PRUNE2: variants seen among roughly 807,000 people sequenced by gnomAD.
PRUNE2 encodes protein prune homolog 2.
PRUNE2 carries 164 observed loss-of-function variants against 252.0 expected under a neutral mutation model. That is an observed-to-expected ratio of 0.65 (90% CI 0.57 to 0.74). The LOEUF (loss-of-function observed/expected upper bound fraction) is 0.74. Ranked by LOEUF, PRUNE2 falls within the 30% of genes least tolerant of loss-of-function variation. PRUNE2 has a pLI of 0.00. For synonymous variants in PRUNE2, 1,292 were observed against 1,350.2 expected (o/e 0.96, Z 0.94); for missense variants, 3,495 against 3,711.0 (o/e 0.94, Z 1.51).
At chr9:76,771,827 C>T (rs562950473) in intron 6 of PRUNE2, among the ~76,000 whole-genome samples, 1 of 152,268 alleles carries the variant, frequency 6.6e-6, no homozygotes, top group Admixed American at 6.5e-5. Context: ...CCACAAAAGC[C>T]ACCAACCACT....
intron 1 of PRUNE2, among the ~76,000 whole-genome samples, chr9:76,873,774 A>G (rs1384052399): frequency 6.6e-6 from 1 of 152,224 alleles, no homozygotes; most frequent in African/African-American, 2.4e-5. Flanking sequence ...GATGGCATTT[A>G]ACACTTGGTA....
intron 6 of PRUNE2, among the ~76,000 whole-genome samples, chr9:76,714,456 G>A (rs533914948): frequency 2.0e-5 from 3 of 152,272 alleles, no homozygotes; most frequent in Admixed American, 6.5e-5. Context: ...GTGCTGTGGC[G>A]TTATCTCGGC....
rs536001396 is a variant in PRUNE2, at chr9:76,822,488, T to C, written c.756+1144A>G. ...CTGCTATTCCAGAGAAATATACACATTGATATAGTCAACATCACCATGAGA... is the reference window on the plus strand; with the variant it reads ...CTGCTATTCCAGAGAAATATACACACTGATATAGTCAACATCACCATGAGA... On this transcript the variant is annotated intron_variant, in intron 6 of 18. Transcript: ENST00000376718. Among the ~76,000 whole-genome samples the C allele has an allele frequency of 2.0e-4, 31 of 152,292 alleles. 1 individual carries two copies. The highest frequency in any genetic ancestry group is 1.8e-3 in the Admixed American group (28 of 15,302).
chr9:76,752,028 A>G (rs575932211), intron 6 of PRUNE2, among the ~76,000 whole-genome samples: 2 of 83,584 alleles, frequency 2.4e-5, no homozygotes, highest in Middle Eastern at 5.7e-3. Flanking sequence ...GAAAAATCAA[A>G]TATCAGGATT....
At chr9:76,774,750 G>A (rs2053556740) in intron 6 of PRUNE2, among the ~76,000 whole-genome samples, 1 of 151,912 alleles carries the variant, frequency 6.6e-6, no homozygotes, top group African/African-American at 2.4e-5. Context: ...TGAGCCACTA[G>A]GCCCGACCCA....
chr9:76,635,735 G>A (rs570126371), intron 15 of PRUNE2, among the ~76,000 whole-genome samples: 58 of 152,144 alleles, frequency 3.8e-4, no homozygotes, highest in African/African-American at 1.4e-3. Context: ...CTTTGAGATG[G>A]GAAAATTTCA....
At chr9:76,770,437 T>G (rs1416338011) in intron 6 of PRUNE2, among the ~76,000 whole-genome samples, 1 of 152,166 alleles carries the variant, frequency 6.6e-6, no homozygotes, top group African/African-American at 2.4e-5. Context: ...TTAAAATATG[T>G]TAATGGCTTT....
intron 11 of PRUNE2, among the ~76,000 whole-genome samples, chr9:76,650,379 A>C (rs930187533): frequency 6.6e-6 from 1 of 151,948 alleles, no homozygotes; most frequent in Non-Finnish European, 1.5e-5. Flanking sequence ...ATTATGGCCC[A>C]AATGTTTTTG....
chr9:76,651,338 G>A (rs1226378148), intron 11 of PRUNE2, among the ~76,000 whole-genome samples: 2 of 152,216 alleles, frequency 1.3e-5, no homozygotes, highest in East Asian at 1.9e-4. Context: ...TGCTCATGTC[G>A]GCTCAATGAC....
intron 6 of PRUNE2, chr9:76,738,596 TAA>T (rs1429887166): frequency 6.6e-6 from 1 of 152,224 alleles, no homozygotes. Context: ...TGGTCTAGCA[TAA>T]ACAAACTAGA....
chr9:76,626,499 A>G (rs1332785467), intron 16 of PRUNE2, among the ~76,000 whole-genome samples: 3 of 152,254 alleles, frequency 2.0e-5, no homozygotes, highest in Non-Finnish European at 4.4e-5. Context: ...AGAAAACAGA[A>G]CACATGGACA....
chr9:76,628,273 C>G (rs1003405657), intron 16 of PRUNE2, among the ~76,000 whole-genome samples: 2 of 152,138 alleles, frequency 1.3e-5, no homozygotes, highest in Non-Finnish European at 2.9e-5. Flanking sequence ...TAAATTTTAT[C>G]CTAGTTTTTG....
chr9:76,877,651 T>G (rs1285363427), intron 1 of PRUNE2, among the ~76,000 whole-genome samples: 1 of 152,202 alleles, frequency 6.6e-6, no homozygotes, highest in African/African-American at 2.4e-5. Context: ...TCTTGAGGTT[T>G]GTTTGATTAA....
In PRUNE2 at chr9:76,850,521, G is replaced by C; in HGVS notation, c.286C>G (p.Gln96Glu). The change falls in exon 3 of 19, where the codon CAG becomes GAG. Residue 96 changes from glutamine (Q) to glutamate (E), a missense_variant. Gln to Glu is a conservative substitution (Grantham distance 29). Coordinates refer to ENST00000376718, the MANE Select transcript of PRUNE2 (RefSeq NM_015225.3). The stretch of plus-strand genomic sequence containing the variant: ...GATAACTTCCCTTCATCATTTAGCT[G>C]ATGCAGGTTAATTTCATCCCGGAAT... ...HIFRDEINLHQLNDEGKLSIT... is the reference protein window; with the variant it reads ...HIFRDEINLHELNDEGKLSIT... The C allele has an allele frequency of 6.2e-7, 1 of 1,613,976 alleles. No individual in the cohort carries two copies. Among genetic ancestry groups the C allele is most frequent in the Non-Finnish European group, 8.5e-7 (1 of 1,179,934 alleles).
intron 8 of PRUNE2, 108 bp downstream of exon 8, chr9:76,704,652 GT>G: frequency 3.9e-6 from 3 of 772,662 alleles, no homozygotes; most frequent in Non-Finnish European, 6.2e-6. Context: ...TGAAAATGTA[GT>G]TAGTTTTCTC....
chr9:76,811,183 T>C (rs1367558991), intron 6 of PRUNE2, among the ~76,000 whole-genome samples: 1 of 152,228 alleles, frequency 6.6e-6, no homozygotes, highest in Non-Finnish European at 1.5e-5. Context: ...GACATTATAG[T>C]ACACTTTAAA....
At chr9:76,838,411 G>A (rs963138863) in intron 4 of PRUNE2, among the ~76,000 whole-genome samples, 11 of 151,932 alleles carry the variant, frequency 7.2e-5, no homozygotes, top group Non-Finnish European at 1.2e-4. Flanking sequence ...TTGGGGGGCC[G>A]AGGCAGGTGG....
chr9:76,702,950 C>T (rs28566501), intron 9 of PRUNE2, among the ~76,000 whole-genome samples: 3,732 of 152,188 alleles, frequency 0.025, 78 homozygotes, highest in East Asian at 0.085. Flanking sequence ...TCCATTCCCC[C>T]CACTGGCATG....
At chr9:76,809,533 T>G in intron 6 of PRUNE2, among the ~76,000 whole-genome samples, 1 of 152,064 alleles carries the variant, frequency 6.6e-6, no homozygotes. Flanking sequence ...CCGTCTTTAC[T>G]AAAAATTCAA....
Sources: gnomAD v4.1 joint callset for allele counts (sites outside exome capture counted in the v4.1 genomes callset) on GRCh38, gnomAD v4.1.1 for gene constraint, MANE v1.5 for transcripts, NCBI Gene and HGNC (gene_info 2026-07-23, HGNC 2026-07-21) for gene names.